Variants in SNX17 observed in about 807,000 individuals in gnomAD.
The protein encoded by SNX17 is sorting nexin 17.
In SNX17, 35 loss-of-function variants were observed where a neutral mutation model predicts 64.3. The observed-to-expected ratio is 0.54, with a 90% CI of 0.42 to 0.72. The LOEUF (loss-of-function observed/expected upper bound fraction) is 0.72. Among genes scored for constraint, SNX17 ranks in the 30% least tolerant of loss-of-function variants. The pLI, the probability that SNX17 is intolerant of heterozygous loss-of-function variation, is 0.00. For synonymous variants in SNX17, 259 were observed against 230.2 expected, an observed-to-expected ratio of 1.13 and a Z score of -1.13; for missense variants, 538 against 610.0, an observed-to-expected ratio of 0.88 and a Z score of 1.24.
chr2:27,373,683 C>T (rs1433248714), intron 4 of SNX17, among the ~76,000 whole-genome samples, 178 bp from the exon 5 acceptor site: 1 of 152,158 alleles, frequency 6.6e-6, no homozygotes, highest in African/African-American at 2.4e-5. Flanking sequence ...ATCTTAATAA[C>T]AGAGGAGTCA....
At chr2:27,372,583 C>T (rs370754227) in intron 2 of SNX17, 40 bp from the exon 3 acceptor site, 62 of 1,613,706 alleles carry the variant, frequency 3.8e-5, no homozygotes, top group Non-Finnish European at 4.7e-5. Context: ...ATCTCATTTT[C>T]TGTGTTTATG....
chr2:27,371,414 T>C (rs771571046), intron 2 of SNX17, 71 bp downstream of exon 2: 1 of 1,531,870 alleles, frequency 6.5e-7, no homozygotes, highest in African/African-American at 1.4e-5. Flanking sequence ...TGTCTCCCTT[T>C]ACCCGCTCTT....
At position 27,377,083 on chromosome 2, in the gene SNX17, G is replaced by A. The variant is rs1683325110; in HGVS notation, c.*364G>A. The stretch of plus-strand genomic sequence containing the variant: ...GGGGATGGGCAGAGGTCTGTGTTTG[G>A]TCTGGCCCAGTTCCCCATCATTAAA... On this transcript the variant is annotated 3_prime_UTR_variant, in exon 15 of 15. Coordinates refer to ENST00000233575, the MANE Select transcript of SNX17 (RefSeq NM_014748.4). This position sits in a 1 kb window ranked among gnomAD's most constrained non-coding sequence, Gnocchi z 4.4. The A allele has an allele frequency of 4.9e-6, 2 of 405,752 alleles. No individual in the cohort carries two copies. The highest frequency in any genetic ancestry group is 1.1e-4 in the East Asian group (2 of 17,700). The allele number at this position is 405,752 out of a possible 1,614,324, so 25.1% of individuals were successfully genotyped here.
At chr2:27,372,463 A>T in intron 2 of SNX17, 160 bp from the exon 3 acceptor site, 1 of 410,524 alleles carries the variant, frequency 2.4e-6, no homozygotes, top group Non-Finnish European at 3.3e-6. Context: ...TTGAGGTGCT[A>T]CCGCTGTCAA....
At chr2:27,373,563 G>T in intron 4 of SNX17, 2 of 532,900 alleles carry the variant, frequency 3.8e-6, no homozygotes, top group South Asian at 4.1e-5. Context: ...GGGTTTTGCC[G>T]TGTTGGCCTG....
chr2:27,370,716 A>C lies in SNX17; in HGVS notation c.-28A>C. 1.3e-6 allele frequency: 2 copies of C among 1,540,716 alleles called. No homozygotes were observed. Among genetic ancestry groups the C allele is most frequent in the Non-Finnish European group, 1.8e-6 (2 of 1,140,682 alleles). The stretch of plus-strand genomic sequence containing the variant: ...AGCCGCTGCGGCCCTCACAGTCCGG[A>C]GCCCGGCCGTGCCGTGCCGTAGGGA... On this transcript the variant is annotated 5_prime_UTR_variant, in exon 1 of 15. Coordinates refer to ENST00000233575, the MANE Select transcript of SNX17 (RefSeq NM_014748.4).
Position 27,377,485 on chromosome 2 carries a change from G to C in SNX17, c.*766G>C. The C allele has an allele frequency of 6.4e-7, 1 of 1,565,964 alleles. No homozygotes were observed. The highest frequency in any genetic ancestry group is 8.8e-7 in the Non-Finnish European group (1 of 1,139,366). On this transcript the variant is annotated 3_prime_UTR_variant, in exon 15 of 15. Coordinates refer to ENST00000233575, the MANE Select transcript of SNX17 (RefSeq NM_014748.4). This position sits in a 1 kb window ranked among gnomAD's most constrained non-coding sequence, Gnocchi z 4.4. ...AGTCTGTGTGGAGCCCCTGGCCAGC[G>C]GGGGAGAAAAAGGTGGCTTCTGGTC...
At position 27,377,409 on chromosome 2, in the gene SNX17, TA is replaced by T; in HGVS notation, c.*691del. ...AGTCAAGGCAAGGTCCCCTGGTCCA[TA>T]TGGGCCCCCCCGCCCATGGGGTTGG... On this transcript the variant is annotated 3_prime_UTR_variant, in exon 15 of 15. Transcript: ENST00000233575. The surrounding 1 kb of genome is among the most constrained non-coding windows in gnomAD (Gnocchi z 4.4). The T allele has an allele frequency of 1.0e-6, 1 of 963,308 alleles. No homozygotes were observed. The highest frequency in any genetic ancestry group is 1.6e-6 in the Non-Finnish European group (1 of 621,836). 59.7% of individuals were successfully genotyped at this position (963,308 alleles called of 1,614,324 possible). A position where few individuals can be genotyped will look rare whatever the true frequency, so the allele number is the denominator to read the frequency against.
rs986480743 is a variant in SNX17, at chr2:27,372,799, A to G, written c.256+59A>G. ...TGAGGACTATGGGGAGAGACTTAAAAACAGCTGGTTCTGTGGAAGGGCCTG... is the reference window on the plus strand; with the variant it reads ...TGAGGACTATGGGGAGAGACTTAAAGACAGCTGGTTCTGTGGAAGGGCCTG... On this transcript the variant is annotated intron_variant, in intron 3 of 14. Coordinates refer to ENST00000233575, the MANE Select transcript of SNX17 (RefSeq NM_014748.4). 8.7e-6 allele frequency: 14 copies of G among 1,602,348 alleles called. No homozygotes were observed. In the African/African-American group the frequency reaches 1.5e-4, roughly 17 times the overall value.
rs770785216 is a variant in SNX17 at position 27,376,769 on chromosome 2, C to T, written c.*50C>T. Reference sequence around the variant, plus strand: ...TCTACCCCAGAGGAATTTACAGAAACTTGCCCTGTGCCTGTGTCCCCCATG... The same window carrying T: ...TCTACCCCAGAGGAATTTACAGAAATTTGCCCTGTGCCTGTGTCCCCCATG... On this transcript the variant is annotated 3_prime_UTR_variant, in exon 15 of 15. Coordinates refer to ENST00000233575, the MANE Select transcript of SNX17 (RefSeq NM_014748.4). 1.1e-4 allele frequency: 166 copies of T among 1,510,110 alleles called. No individual in the cohort carries two copies. The highest frequency in any genetic ancestry group is 1.4e-4 in the Non-Finnish European group (151 of 1,090,392). The allele number at this position is 1,510,110 out of a possible 1,614,324, so 93.5% of individuals were successfully genotyped here.
In SNX17 at chr2:27,375,770, G is replaced by A. The variant is rs1203750256; in HGVS notation, c.978+61G>A. ...GGGGCCCGGCAAGCCTTGAGCTTAG[G>A]TATGGGCTGCAGCGGGTCAGGGAGC... On this transcript the variant is annotated intron_variant, in intron 10 of 14. Transcript: ENST00000233575. The surrounding 1 kb of genome is among the most constrained non-coding windows in gnomAD (Gnocchi z 4.1). 4.3e-6 allele frequency: 7 copies of A among 1,610,884 alleles called. No homozygotes were observed. The highest frequency in any genetic ancestry group is 1.7e-5 in the Admixed American group (1 of 59,976).
Position 27,374,746 on chromosome 2 carries a change from G to A in SNX17, c.669G>A (p.Leu223=). Residue 223 remains leucine, a synonymous_variant, in exon 8 of 15, where the codon CTG becomes CTA. Transcript: ENST00000233575. The part of the protein sequence containing the change: ...DVMENRVGLN[L]LYAQTVSDIE... ...TGGAGAACCGGGTTGGCCTGAACCT[G>A]CTTTATGCTCAGGTGAGCTTGGAGC... The A allele has an allele frequency of 5.0e-6, 8 of 1,614,098 alleles. No individual in the cohort carries two copies. Among genetic ancestry groups the A allele is most frequent in the Non-Finnish European group, 6.8e-6 (8 of 1,180,008 alleles).
chr2:27,374,591 A>ATAGTTCCAGATTGCTCCTGTTTTGCCCAT, intron 7 of SNX17, 98 bp from the exon 8 acceptor site: 1 of 1,314,812 alleles, frequency 7.6e-7, no homozygotes, highest in Non-Finnish European at 1.1e-6. Context: ...TTAGCCCCTG[A>ATAGTTCCAGATTGCTCCTGTTTTGCCCAT]TAGTTCCAGA....
chr2:27,370,896 C>A, intron 1 of SNX17, 90 bp downstream of exon 1: 1 of 1,411,324 alleles, frequency 7.1e-7, no homozygotes, highest in Non-Finnish European at 9.5e-7. Flanking sequence ...GCCTGACCGC[C>A]ACCCTTCGGG....
intron 3 of SNX17, 67 bp downstream of exon 3, chr2:27,372,807 G>T (rs898545948): frequency 1.6e-5 from 25 of 1,591,946 alleles, no homozygotes; most frequent in Middle Eastern, 1.7e-4. Context: ...AAAACAGCTG[G>T]TTCTGTGGAA....
rs1321607234 is a variant in SNX17, at chr2:27,370,712, C to G, written c.-32C>G. 1 of 1,537,138 alleles carries G rather than the reference C, an allele frequency of 6.5e-7. No homozygotes were observed. Among genetic ancestry groups the G allele is most frequent in the African/African-American group, 1.4e-5 (1 of 72,608 alleles). On this transcript the variant is annotated 5_prime_UTR_variant, in exon 1 of 15. Coordinates refer to ENST00000233575, the MANE Select transcript of SNX17 (RefSeq NM_014748.4). ...GCAGAGCCGCTGCGGCCCTCACAGT[C>G]CGGAGCCCGGCCGTGCCGTGCCGTA... is the stretch of plus-strand genomic sequence containing the variant.
At chr2:27,373,787 T>A in intron 4 of SNX17, 74 bp from the exon 5 acceptor site, 4 of 1,031,306 alleles carry the variant, frequency 3.9e-6, no homozygotes, top group Non-Finnish European at 6.0e-6. Flanking sequence ...ACAAGGGACC[T>A]AGAAATAGAG....
Position 27,371,257 on chromosome 2 carries a change from T to C in SNX17, c.64-12T>C, listed in dbSNP as rs1246654676. The stretch of plus-strand genomic sequence containing the variant: ...GCAACCCTAAAATGCTTGACTACTT[T>C]TGTGTCCTCAGGCCTATAACATTCA... On this transcript the variant is annotated splice_polypyrimidine_tract_variant and intron_variant, in intron 1 of 14. Transcript: ENST00000233575. 4 of 1,613,126 alleles carry C rather than the reference T, an allele frequency of 2.5e-6. No homozygotes were observed. The highest frequency in any genetic ancestry group is 2.7e-5 in the African/African-American group (2 of 75,042).
At position 27,374,008 on chromosome 2, in the gene SNX17, A is replaced by G. The variant is rs376791782; in HGVS notation, c.432+37A>G. ...GTTCAGCACTGCCCCTTCTTCCCCTACATCCTGGGGTCCTGGGCTTGGAGA... is the reference window on the plus strand; with the variant it reads ...GTTCAGCACTGCCCCTTCTTCCCCTGCATCCTGGGGTCCTGGGCTTGGAGA... On this transcript the variant is annotated intron_variant, in intron 5 of 14. Transcript: ENST00000233575. 86 of 1,604,524 alleles carry G rather than the reference A, an allele frequency of 5.4e-5. No individual in the cohort carries two copies. In the East Asian group the frequency reaches 9.6e-4, roughly 18 times the overall value.
Sources: gnomAD v4.1 joint callset for allele counts (sites outside exome capture counted in the v4.1 genomes callset) on GRCh38, gnomAD v4.1.1 for gene constraint, Gnocchi (gnomAD v3.1) non-coding constraint, MANE v1.5 for transcripts, NCBI Gene and HGNC (gene_info 2026-07-23, HGNC 2026-07-21) for gene names.